The following LEPR variants were observed in gnomAD, a reference collection of about 807,000 sequenced individuals.
LEPR encodes the protein leptin receptor.
Under a neutral mutation model 114.7 loss-of-function variants are expected in LEPR, and 56 were observed. The ratio of observed to expected loss-of-function variants is 0.49; its 90% CI spans 0.39 to 0.61. LEPR has a LOEUF of 0.61. Ranked by LOEUF, LEPR falls within the 20% of genes least tolerant of loss-of-function variation. The pLI, the probability that LEPR is intolerant of heterozygous loss-of-function variation, is 0.00. For missense variants in LEPR, 1,202 were observed against 1,352.9 expected (o/e 0.89, Z 1.75); for synonymous variants, 443 against 461.4 (o/e 0.96, Z 0.51).
rs1347476387 is a variant in LEPR, at chr1:65,516,451, A to AC, written c.-20-49095_-20-49094insC. 2.7e-4 allele frequency among the ~76,000 whole-genome samples: 41 copies of AC among 152,286 alleles called. 1 individual carries two copies. Among genetic ancestry groups the AC allele is most frequent in the African/African-American group, 9.4e-4 (39 of 41,550 alleles). On this transcript the variant is annotated intron_variant, in intron 2 of 19. Coordinates refer to ENST00000349533, the MANE Select transcript of LEPR (RefSeq NM_002303.6). ...AGAGCGAGACTCCGTCTCAAAAAAA[A>AC]ACAAACCAAACCAAACCAAACCAAA...
intron 2 of LEPR, among the ~76,000 whole-genome samples, chr1:65,454,462 A>T (rs1045933577): frequency 6.3e-4 from 95 of 151,974 alleles, no homozygotes; most frequent in Non-Finnish European, 1.1e-3. Flanking sequence ...TCAGGAGCTC[A>T]TTTAGGGCAG....
At chr1:65,544,960 C>A (rs1428672051) in intron 2 of LEPR, among the ~76,000 whole-genome samples, 2 of 149,786 alleles carry the variant, frequency 1.3e-5, no homozygotes, top group African/African-American at 4.9e-5. Context: ...TCCCCACTCC[C>A]CCCACCCCAC....
chr1:65,488,323 TTTC>T (rs1205550374), intron 2 of LEPR, among the ~76,000 whole-genome samples: 8 of 139,002 alleles, frequency 5.8e-5, no homozygotes, highest in East Asian at 3.9e-4. Context: ...TCTTTTTTTC[TTTC>T]TTCTTCTTCT....
At chr1:65,619,877 C>T (rs751962054) in intron 16 of LEPR, 51 bp from the exon 17 acceptor site, 1 of 1,334,802 alleles carries the variant, frequency 7.5e-7, no homozygotes, top group Non-Finnish European at 1.1e-6. Flanking sequence ...ATGTTCCACT[C>T]ATTACTATTA....
chr1:65,432,996 A>G (rs934507801), intron 2 of LEPR: 2 of 985,368 alleles, frequency 2.0e-6, no homozygotes, highest in African/African-American at 3.5e-5. Context: ...AGTGGGGAAC[A>G]GATGTATCTT....
intron 2 of LEPR, among the ~76,000 whole-genome samples, chr1:65,448,776 A>G (rs1034046276): frequency 6.6e-6 from 1 of 152,140 alleles, no homozygotes; most frequent in Non-Finnish European, 1.5e-5. Context: ...AAATTGGTCC[A>G]TTTCATCTAG....
At chr1:65,440,934 T>A (rs2100280318) in intron 2 of LEPR, among the ~76,000 whole-genome samples, 1 of 152,282 alleles carries the variant, frequency 6.6e-6, no homozygotes, top group South Asian at 2.1e-4. Context: ...GAACAACAAA[T>A]CACAGAAAAC....
chr1:65,525,527 C>A, intron 2 of LEPR: 1 of 687,902 alleles, frequency 1.5e-6, no homozygotes, highest in Non-Finnish European at 1.8e-6. Flanking sequence ...CCTAGCCGCT[C>A]GAGTCCGCTC....
chr1:65,549,827 T>G (rs1652140181), intron 2 of LEPR, among the ~76,000 whole-genome samples: 1 of 152,250 alleles, frequency 6.6e-6, no homozygotes, highest in Non-Finnish European at 1.5e-5. Context: ...AAAGTCATTC[T>G]CCATCCAGCT....
chr1:65,533,027 T>G (rs1650511033), intron 2 of LEPR, among the ~76,000 whole-genome samples: 1 of 152,150 alleles, frequency 6.6e-6, no homozygotes, highest in Admixed American at 6.6e-5. Context: ...TAAAAAATAC[T>G]TTAAAAATAA....
chr1:65,610,189 A>T (rs1405346801), intron 13 of LEPR, 25 bp from the exon 14 acceptor site: 1 of 1,613,970 alleles, frequency 6.2e-7, no homozygotes, highest in Non-Finnish European at 8.5e-7. Context: ...CTTCAAAAAC[A>T]TATACACAAC....
chr1:65,544,392 G>A (rs1271894294), intron 2 of LEPR, among the ~76,000 whole-genome samples: 1 of 151,916 alleles, frequency 6.6e-6, no homozygotes, highest in Non-Finnish European at 1.5e-5. Context: ...TGCAAACAGA[G>A]ACAATTTGAT....
Position 65,638,730 on chromosome 1 carries a change from TA to T in LEPR, c.*1717del, listed in dbSNP as rs1658791314. 1 of 152,176 alleles carries T rather than the reference TA, an allele frequency of 6.6e-6. No individual in the cohort carries two copies. Among genetic ancestry groups the T allele is most frequent in the African/African-American group, 2.4e-5 (1 of 41,450 alleles). The allele number at this position is 152,176 out of a possible 1,614,324, so 9.4% of individuals were successfully genotyped here. A position where few individuals can be genotyped will look rare whatever the true frequency, so the allele number is the denominator to read the frequency against. On this transcript the variant is annotated 3_prime_UTR_variant, in exon 20 of 20. Coordinates refer to ENST00000349533, the MANE Select transcript of LEPR (RefSeq NM_002303.6). ...AGTTATTCCATGTCATAAGTATTTTTAAGATGTCTCAGGATCTCACATACTC... is the reference window on the plus strand; with the variant it reads ...AGTTATTCCATGTCATAAGTATTTTTAGATGTCTCAGGATCTCACATACTC...
intron 2 of LEPR, among the ~76,000 whole-genome samples, chr1:65,504,340 TG>T (rs1648613500): frequency 6.6e-6 from 1 of 152,126 alleles, no homozygotes; most frequent in African/African-American, 2.4e-5. Context: ...GAGTACCATA[TG>T]GAAAGCTTAG....
At chr1:65,553,205 C>T (rs1231944696) in intron 2 of LEPR, among the ~76,000 whole-genome samples, 1 of 152,140 alleles carries the variant, frequency 6.6e-6, no homozygotes, top group Non-Finnish European at 1.5e-5. Context: ...TCAGGTTGCT[C>T]TTCTCGAGGA....
intron 14 of LEPR, among the ~76,000 whole-genome samples, chr1:65,611,209 A>C (rs1657144330): frequency 6.6e-6 from 1 of 152,136 alleles, no homozygotes; most frequent in Non-Finnish European, 1.5e-5. Flanking sequence ...CTAGCAAACC[A>C]TTCCTTCAAC....
chr1:65,431,229 A>G (rs1238057651), intron 2 of LEPR, among the ~76,000 whole-genome samples: 1 of 152,204 alleles, frequency 6.6e-6, no homozygotes. Context: ...TACTGCCATC[A>G]TATTTTGTGA....
At chr1:65,547,486 C>A (rs1334580571) in intron 2 of LEPR, among the ~76,000 whole-genome samples, 2 of 151,646 alleles carry the variant, frequency 1.3e-5, no homozygotes, top group Non-Finnish European at 2.9e-5. Flanking sequence ...AATTTCAGAT[C>A]CTGTTATTGG....
chr1:65,621,223 A>T, intron 17 of LEPR, 130 bp from the exon 18 acceptor site: 1 of 730,480 alleles, frequency 1.4e-6, no homozygotes, highest in Non-Finnish European at 2.3e-6. Context: ...TTCATTTTTT[A>T]TTTTTATATT....
Sources: gnomAD v4.1 joint callset for allele counts (sites outside exome capture counted in the v4.1 genomes callset) on GRCh38, gnomAD v4.1.1 for gene constraint, MANE v1.5 for transcripts, NCBI Gene and HGNC (gene_info 2026-07-23, HGNC 2026-07-21) for gene names.